DLGAP2: variants seen among roughly 807,000 people sequenced by gnomAD.
The protein encoded by DLGAP2 is disks large-associated protein 2.
Under a neutral mutation model 100.3 loss-of-function variants are expected in DLGAP2, and 26 were observed. The ratio of observed to expected loss-of-function variants is 0.26; its 90% CI spans 0.19 to 0.36. The LOEUF (loss-of-function observed/expected upper bound fraction) is 0.36, where lower values mean the gene tolerates loss of function less well. Ranked by LOEUF, DLGAP2 falls within the 10% of genes least tolerant of loss-of-function variation. DLGAP2 has a pLI of 1.00. For synonymous variants in DLGAP2, 886 were observed against 630.1 expected, an observed-to-expected ratio of 1.41 and a Z score of -6.08; for missense variants, 1,858 against 1,453.2, an observed-to-expected ratio of 1.28 and a Z score of -4.53.
At chr8:1,039,496 G>T (rs1267196642) in intron 2 of DLGAP2, among the ~76,000 whole-genome samples, 1 of 131,524 alleles carries the variant, frequency 7.6e-6, no homozygotes, top group East Asian at 2.3e-4. Flanking sequence ...TCGGCTCGGT[G>T]TGCATGGTCG....
intron 2 of DLGAP2, among the ~76,000 whole-genome samples, chr8:1,175,002 C>A (rs915540180): frequency 6.6e-6 from 1 of 152,044 alleles, no homozygotes; most frequent in East Asian, 1.9e-4. Context: ...TAGATATTTC[C>A]CTATAAAAGT....
chr8:1,523,214 G>T (rs1235852761), intron 4 of DLGAP2, among the ~76,000 whole-genome samples: 1 of 152,244 alleles, frequency 6.6e-6, no homozygotes, highest in African/African-American at 2.4e-5. Context: ...GGGGCCCACA[G>T]CATGAAGATG....
chr8:1,360,629 A>G (rs949197924), intron 3 of DLGAP2, among the ~76,000 whole-genome samples: 1 of 152,214 alleles, frequency 6.6e-6, no homozygotes, highest in Non-Finnish European at 1.5e-5. Context: ...AGCCAGGGAC[A>G]TATGCACACC....
At chr8:1,081,738 C>A (rs780514635) in intron 2 of DLGAP2, among the ~76,000 whole-genome samples, 4 of 152,116 alleles carry the variant, frequency 2.6e-5, no homozygotes, top group African/African-American at 7.2e-5. Flanking sequence ...TTCCTATAGG[C>A]AGGGCACCCA....
chr8:924,540 C>G (rs553938019), intron 2 of DLGAP2, among the ~76,000 whole-genome samples: 9 of 150,858 alleles, frequency 6.0e-5, no homozygotes, highest in Admixed American at 5.3e-4. Flanking sequence ...TCAGAAACTT[C>G]GGGAAGCTGG....
At chr8:1,455,118 A>G (rs908314279) in intron 3 of DLGAP2, among the ~76,000 whole-genome samples, 5 of 152,332 alleles carry the variant, frequency 3.3e-5, no homozygotes, top group South Asian at 2.1e-4. Flanking sequence ...GAGCAATGTA[A>G]TGAGCTCATG....
chr8:1,449,719 A>G (rs1263292361), intron 3 of DLGAP2, among the ~76,000 whole-genome samples: 2 of 152,186 alleles, frequency 1.3e-5, no homozygotes, highest in Non-Finnish European at 2.9e-5. Context: ...AGCTGCCAGG[A>G]CAAGCCTTGC....
At chr8:1,267,634 T>TCAAATCAAATCAA (rs1563052138) in intron 3 of DLGAP2, among the ~76,000 whole-genome samples, 1 of 19,216 alleles carries the variant, frequency 5.2e-5, no homozygotes, top group Non-Finnish European at 1.2e-4. Context: ...AAATATTAAA[T>TCAAATCAAATCAA]AGGTCTACAA....
intron 1 of DLGAP2, among the ~76,000 whole-genome samples, chr8:851,500 A>G (rs1366956288): frequency 6.6e-6 from 1 of 152,224 alleles, no homozygotes; most frequent in Non-Finnish European, 1.5e-5. Flanking sequence ...CTATGTTAGT[A>G]TATTATGATG....
intron 4 of DLGAP2, among the ~76,000 whole-genome samples, chr8:1,536,392 T>G (rs952484149): frequency 6.6e-6 from 1 of 152,182 alleles, no homozygotes; most frequent in Admixed American, 6.5e-5. Flanking sequence ...AATATCTTAT[T>G]CATTCCTAAA....
intron 2 of DLGAP2, among the ~76,000 whole-genome samples, chr8:919,831 C>A (rs1305229568): frequency 6.6e-6 from 1 of 152,234 alleles, no homozygotes. Context: ...TATTTTCTTC[C>A]ATTTCCTCAC....
chr8:1,417,672 A>G, intron 3 of DLGAP2, among the ~76,000 whole-genome samples: 1 of 146,944 alleles, frequency 6.8e-6, no homozygotes, highest in Non-Finnish European at 1.5e-5. Flanking sequence ...TCACTCCGCG[A>G]GGCTCCAGGG....
intron 3 of DLGAP2, among the ~76,000 whole-genome samples, chr8:1,278,724 C>T (rs996054750): frequency 1.3e-5 from 2 of 152,166 alleles, no homozygotes; most frequent in African/African-American, 4.8e-5. Context: ...ATTATAACTG[C>T]CTTTCATTTG....
chr8:895,463 T>TC (rs1467028522), intron 1 of DLGAP2, among the ~76,000 whole-genome samples: 1 of 152,030 alleles, frequency 6.6e-6, no homozygotes, highest in Non-Finnish European at 1.5e-5. Context: ...ACGCTGCCCG[T>TC]CCCCCCTTCT....
At chr8:1,346,827 A>C (rs552681375) in intron 3 of DLGAP2, among the ~76,000 whole-genome samples, 4 of 151,726 alleles carry the variant, frequency 2.6e-5, no homozygotes, top group Admixed American at 6.6e-5. Flanking sequence ...GTTCCCATAC[A>C]GAGCTGCATT....
At chr8:1,503,849 C>A (rs1041572670) in intron 4 of DLGAP2, among the ~76,000 whole-genome samples, 1 of 152,138 alleles carries the variant, frequency 6.6e-6, no homozygotes, top group Non-Finnish European at 1.5e-5. Flanking sequence ...GACCCTCAAA[C>A]ACGTGCCTGG....
intron 3 of DLGAP2, among the ~76,000 whole-genome samples, chr8:1,461,284 G>A (rs1584926913): frequency 1.4e-5 from 1 of 74,056 alleles, no homozygotes; most frequent in African/African-American, 5.0e-5. Flanking sequence ...GGGTGCAGTC[G>A]CTGATTCGGT....
At position 1,676,513 on chromosome 8, in the gene DLGAP2, G is replaced by C. The variant is rs1300741744; in HGVS notation, c.2203-20G>C. The C allele has an allele frequency of 1.2e-6, 2 of 1,608,156 alleles. No homozygotes were observed. The highest frequency in any genetic ancestry group is 1.7e-6 in the Non-Finnish European group (2 of 1,177,402). ...GCCCCATGTTTCAGTTCTAAAATAA[G>C]ACGTTCTCTGTTGAATTAGGTGGAA... On this transcript the variant is annotated intron_variant, in intron 10 of 14. Transcript: ENST00000637795.
At chr8:1,108,998 A>G (rs1246839135) in intron 2 of DLGAP2, among the ~76,000 whole-genome samples, 5 of 131,066 alleles carry the variant, frequency 3.8e-5, no homozygotes, top group African/African-American at 8.9e-5. Context: ...GCACATGCCT[A>G]TGAAGTGTGC....
Sources: gnomAD v4.1 joint callset for allele counts (sites outside exome capture counted in the v4.1 genomes callset) on GRCh38, gnomAD v4.1.1 for gene constraint, MANE v1.5 for transcripts, NCBI Gene and HGNC (gene_info 2026-07-23, HGNC 2026-07-21) for gene names.